PTPRG: variants seen among roughly 807,000 people sequenced by gnomAD.
PTPRG encodes protein tyrosine phosphatase receptor type G, also known as receptor-type tyrosine-protein phosphatase gamma.
A neutral mutation model predicts 165.3 loss-of-function variants in PTPRG; 102 were observed. The ratio of observed to expected loss-of-function variants is 0.62; its 90% CI spans 0.53 to 0.73. PTPRG has a LOEUF of 0.73. Among genes scored for constraint, PTPRG ranks in the 30% least tolerant of loss-of-function variants. The pLI is 0.00. For synonymous variants in PTPRG, 675 were observed against 669.5 expected (o/e 1.01, Z -0.13); for missense variants, 1,866 against 1,861.4 (o/e 1.00, Z -0.05).
intron 10 of PTPRG, among the ~76,000 whole-genome samples, chr3:62,197,105 T>C (rs1699984065): frequency 6.6e-6 from 1 of 152,198 alleles, no homozygotes; most frequent in African/African-American, 2.4e-5. Flanking sequence ...GAGTCCCAGC[T>C]GCCTTTTGGA....
intron 1 of PTPRG, among the ~76,000 whole-genome samples, chr3:61,685,906 T>C (rs902312427): frequency 1.3e-5 from 2 of 152,194 alleles, no homozygotes; most frequent in Non-Finnish European, 2.9e-5. Flanking sequence ...CCTGGCAACC[T>C]GGCATATAAT....
intron 28 of PTPRG, among the ~76,000 whole-genome samples, chr3:62,286,059 C>G (rs1411194071): frequency 2.0e-5 from 3 of 152,096 alleles, no homozygotes; most frequent in Admixed American, 6.5e-5. Context: ...GTTTTAATTT[C>G]TAATACAGTA....
chr3:61,945,034 GT>G (rs1469919706), intron 2 of PTPRG, among the ~76,000 whole-genome samples: 2 of 152,182 alleles, frequency 1.3e-5, no homozygotes, highest in Non-Finnish European at 2.9e-5. Flanking sequence ...CAGTGGGTGT[GT>G]TTCTTTGTCG....
At chr3:61,778,989 C>T (rs1416496340) in intron 2 of PTPRG, among the ~76,000 whole-genome samples, 7 of 151,994 alleles carry the variant, frequency 4.6e-5, no homozygotes, top group African/African-American at 1.7e-4. Flanking sequence ...CCTGCAGAGT[C>T]ATGTAGGATG....
chr3:62,231,094 T>C lies in PTPRG; in HGVS notation c.2289-131T>C, dbSNP rs1396354285. 3 of 590,888 alleles carry C rather than the reference T, an allele frequency of 5.1e-6. No individual in the cohort carries two copies. The East Asian group carries it at 1.0e-4, about 20-fold the overall frequency. The allele number at this position is 590,888 out of a possible 1,614,324, so 36.6% of individuals were successfully genotyped here. A position where few individuals can be genotyped will look rare whatever the true frequency, so the allele number is the denominator to read the frequency against. ...GCATAAGCATCCTCTTTTGAAAATGTCACAGATGAGGCCTGATGACGGGGT... is the reference window on the plus strand; with the variant it reads ...GCATAAGCATCCTCTTTTGAAAATGCCACAGATGAGGCCTGATGACGGGGT... On this transcript the variant is annotated intron_variant, in intron 13 of 29. Transcript: ENST00000474889.
chr3:61,807,950 G>A (rs1049274082), intron 2 of PTPRG, among the ~76,000 whole-genome samples: 8 of 152,148 alleles, frequency 5.3e-5, no homozygotes, highest in South Asian at 2.1e-4. Flanking sequence ...CTCGCAGACC[G>A]GGGCATCCAG....
At chr3:61,723,210 T>C (rs2032122651) in intron 1 of PTPRG, among the ~76,000 whole-genome samples, 1 of 152,214 alleles carries the variant, frequency 6.6e-6, no homozygotes, top group Non-Finnish European at 1.5e-5. Context: ...TATTTCCCAG[T>C]ATTTTATTGG....
At chr3:61,584,893 G>A (rs1252291807) in intron 1 of PTPRG, among the ~76,000 whole-genome samples, 2 of 152,192 alleles carry the variant, frequency 1.3e-5, no homozygotes, top group African/African-American at 4.8e-5. Context: ...TTTGAAGACT[G>A]CTCTGTGTTT....
At chr3:62,191,374 C>T (rs564942558) in intron 8 of PTPRG, 95 bp from the exon 9 acceptor site, 26 of 1,174,206 alleles carry the variant, frequency 2.2e-5, no homozygotes, top group African/African-American at 3.1e-5. Flanking sequence ...TCCTGTATTA[C>T]TCTTTCAACT....
At chr3:62,230,130 C>A (rs140490306) in intron 13 of PTPRG, among the ~76,000 whole-genome samples, 3 of 152,320 alleles carry the variant, frequency 2.0e-5, no homozygotes, top group South Asian at 2.1e-4. Context: ...ATCCCTCCCC[C>A]CTTTTAATCG....
At chr3:61,772,139 A>C (rs767185376) in intron 2 of PTPRG, among the ~76,000 whole-genome samples, 19 of 151,670 alleles carry the variant, frequency 1.3e-4, no homozygotes, top group Non-Finnish European at 1.9e-4. Flanking sequence ...TTCTTTGCCA[A>C]TTCCCATCGG....
chr3:62,004,599 C>G (rs111714903), intron 4 of PTPRG, among the ~76,000 whole-genome samples: 3,423 of 152,322 alleles, frequency 0.022, 51 homozygotes, highest in South Asian at 0.05. Context: ...GAGCTTCCAT[C>G]TCTTCTCTCG....
At chr3:62,048,580 A>G (rs1180895099) in intron 4 of PTPRG, among the ~76,000 whole-genome samples, 1 of 152,232 alleles carries the variant, frequency 6.6e-6, no homozygotes, top group Non-Finnish European at 1.5e-5. Flanking sequence ...CCTTTTTTAT[A>G]TAAACTTATC....
At chr3:61,816,784 A>G (rs1409482667) in intron 2 of PTPRG, among the ~76,000 whole-genome samples, 2 of 151,632 alleles carry the variant, frequency 1.3e-5, no homozygotes, top group Non-Finnish European at 2.9e-5. Context: ...TGAAGGAGAT[A>G]ATAGAGAAGT....
At chr3:61,990,340 C>T (rs1029578339) in intron 3 of PTPRG, among the ~76,000 whole-genome samples, 1 of 152,128 alleles carries the variant, frequency 6.6e-6, no homozygotes, top group Non-Finnish European at 1.5e-5. Flanking sequence ...AAACAGAATT[C>T]TTATCTTTCT....
intron 1 of PTPRG, among the ~76,000 whole-genome samples, chr3:61,579,943 T>TTC (rs1277996909): frequency 6.6e-6 from 1 of 152,212 alleles, no homozygotes; most frequent in African/African-American, 2.4e-5. Context: ...AATAAATGTC[T>TTC]TAGAAGATTT....
At chr3:62,131,173 T>C (rs1197576600) in intron 5 of PTPRG, among the ~76,000 whole-genome samples, 1 of 152,202 alleles carries the variant, frequency 6.6e-6, no homozygotes, top group East Asian at 1.9e-4. Flanking sequence ...CTGAGCATTA[T>C]AGGATGTTTA....
intron 1 of PTPRG, among the ~76,000 whole-genome samples, chr3:61,588,936 A>G (rs1011336419): frequency 1.3e-5 from 2 of 152,172 alleles, no homozygotes; most frequent in African/African-American, 4.8e-5. Context: ...AATTCATAGC[A>G]TGCTAAGTTG....
chr3:62,229,411 G>C lies in PTPRG; in HGVS notation c.2289-1814G>C, dbSNP rs1201199365. Among the ~76,000 whole-genome samples the C allele has an allele frequency of 6.6e-6, 1 of 152,146 alleles. No homozygotes were observed. The highest frequency in any genetic ancestry group is 1.5e-5 in the Non-Finnish European group (1 of 68,022). On this transcript the variant is annotated intron_variant, in intron 13 of 29. Transcript: ENST00000474889. The surrounding 1 kb of genome is among the most constrained non-coding windows in gnomAD (Gnocchi z 4.6). ...TTATAGTAACCGGCCCCCTGCTGTC[G>C]AATTGGCCCTGAGATGCCAGTGGAA...
Sources: gnomAD v4.1 joint callset for allele counts (sites outside exome capture counted in the v4.1 genomes callset) on GRCh38, gnomAD v4.1.1 for gene constraint, Gnocchi (gnomAD v3.1) non-coding constraint, MANE v1.5 for transcripts, NCBI Gene and HGNC (gene_info 2026-07-23, HGNC 2026-07-21) for gene names.